The following LGSN variants were observed in gnomAD, a reference collection of about 807,000 sequenced individuals.
LGSN encodes lengsin.
A neutral mutation model predicts 19.5 loss-of-function variants in LGSN; 21 were observed. That is an observed-to-expected ratio of 1.07 (90% CI 0.76 to 1.55). The LOEUF is 1.55. LGSN is among the 40% of genes most tolerant of loss of function. LGSN has a pLI of 0.00. For synonymous variants in LGSN, 257 were observed against 215.6 expected (o/e 1.19, Z -1.68); for missense variants, 673 against 608.5 (o/e 1.11, Z -1.12).
At chr6:63,384,704 A>T in the LGSN span, among the ~76,000 whole-genome samples, 2 of 152,138 alleles carry the variant, frequency 1.3e-5, no homozygotes, top group African/African-American at 4.8e-5. Context: ...TTTAGTAGAG[A>T]CAGGGTTTCA....
chr6:63,518,155 A>C, the LGSN span, among the ~76,000 whole-genome samples: 67 of 120,582 alleles, frequency 5.6e-4, no homozygotes, highest in African/African-American at 2.9e-3. Flanking sequence ...CTCCGTCTCC[A>C]AAAAAAAAAA....
chr6:63,546,992 A>C, the LGSN span, among the ~76,000 whole-genome samples: 35 of 152,126 alleles, frequency 2.3e-4, no homozygotes, highest in Non-Finnish European at 4.3e-4. Context: ...AAAGTTGATA[A>C]AACATTCTTT....
the LGSN span, among the ~76,000 whole-genome samples, chr6:63,542,442 C>CAAAACTA: frequency 6.6e-6 from 1 of 152,076 alleles, no homozygotes; most frequent in Non-Finnish European, 1.5e-5. Flanking sequence ...AAAAAACTCT[C>CAAAACTA]CTTTGAACTC....
the LGSN span, among the ~76,000 whole-genome samples, chr6:63,365,206 G>T: frequency 6.6e-6 from 1 of 151,946 alleles, no homozygotes; most frequent in African/African-American, 2.4e-5. Context: ...TAATAAAGAA[G>T]AAAAGAGAGA....
chr6:63,306,434 A>G (rs1768389513), intron 1 of LGSN, among the ~76,000 whole-genome samples: 1 of 152,230 alleles, frequency 6.6e-6, no homozygotes, highest in Non-Finnish European at 1.5e-5. Flanking sequence ...GTATTTTTAT[A>G]ACTCTTTTCT....
At chr6:63,493,307 G>A in the LGSN span, among the ~76,000 whole-genome samples, 3 of 152,180 alleles carry the variant, frequency 2.0e-5, no homozygotes, top group Non-Finnish European at 4.4e-5. Flanking sequence ...CAATGAATTT[G>A]CAGAGCACAG....
At chr6:63,403,608 T>G in the LGSN span, among the ~76,000 whole-genome samples, 1 of 151,196 alleles carries the variant, frequency 6.6e-6, no homozygotes, top group Non-Finnish European at 1.5e-5. Context: ...CGGGGGAAGA[T>G]CAATACAATT....
At chr6:63,472,050 C>A in the LGSN span, among the ~76,000 whole-genome samples, 1 of 152,168 alleles carries the variant, frequency 6.6e-6, no homozygotes, top group African/African-American at 2.4e-5. Flanking sequence ...TTATTTCTTG[C>A]CTCTGCAGCT....
the LGSN span, among the ~76,000 whole-genome samples, chr6:63,479,912 A>G: frequency 6.6e-6 from 1 of 152,214 alleles, no homozygotes; most frequent in South Asian, 2.1e-4. Context: ...ACTATTTGCC[A>G]GGTACCTCTC....
At chr6:63,537,413 C>A in the LGSN span, among the ~76,000 whole-genome samples, 7 of 152,176 alleles carry the variant, frequency 4.6e-5, no homozygotes, top group Non-Finnish European at 1.0e-4. Flanking sequence ...GAGATTTCAA[C>A]ACCAATGCCC....
At chr6:63,464,670 C>T in the LGSN span, among the ~76,000 whole-genome samples, 9 of 151,450 alleles carry the variant, frequency 5.9e-5, no homozygotes, top group Non-Finnish European at 1.0e-4. Context: ...GGTATGCACA[C>T]GATCATCACT....
At position 63,280,831 on chromosome 6, in the gene LGSN, C is replaced by T. The variant is rs952093578; in HGVS notation, c.720G>A (p.Met240Ile). 14 of 1,613,890 alleles carry T rather than the reference C, an allele frequency of 8.7e-6. No individual in the cohort carries two copies. The highest frequency in any genetic ancestry group is 1.1e-5 in the Non-Finnish European group (13 of 1,179,990). The change falls in exon 4 of 4, where the codon ATG (methionine) becomes ATA (isoleucine). Residue 240 changes from methionine (M) to isoleucine (I), a missense_variant. By Grantham distance (10) the Met-to-Ile change is conservative. Coordinates refer to ENST00000370657, the MANE Select transcript of LGSN (RefSeq NM_016571.3). Reference sequence around the variant, plus strand: ...GATACAAGCCATCAACAAGTTCCTGCATGAAGGGCTGATCATGGTTATTTA... The same window carrying T: ...GATACAAGCCATCAACAAGTTCCTGTATGAAGGGCTGATCATGGTTATTTA... ...TFLNNHDQPF[M>I]QELVDGLYHT...
the LGSN span, chr6:63,548,971 G>A: frequency 2.7e-6 from 2 of 750,458 alleles, no homozygotes; most frequent in East Asian, 2.5e-5. Context: ...ATGCAGTAAG[G>A]GACCCGCATT....
the LGSN span, among the ~76,000 whole-genome samples, chr6:63,330,274 C>T: frequency 1.3e-5 from 2 of 152,142 alleles, no homozygotes; most frequent in Non-Finnish European, 2.9e-5. Context: ...ATTTTCTGTC[C>T]TCTCTGAACC....
At chr6:63,538,053 C>A in the LGSN span, among the ~76,000 whole-genome samples, 544 of 152,326 alleles carry the variant, frequency 3.6e-3, 2 homozygotes, top group African/African-American at 0.012. Flanking sequence ...TAAATTATCT[C>A]TGAAATTATT....
At chr6:63,340,838 T>TTG in the LGSN span, among the ~76,000 whole-genome samples, 3,664 of 146,740 alleles carry the variant, frequency 0.025, 69 homozygotes, top group African/African-American at 0.063. Flanking sequence ...TTTTTATGGT[T>TTG]TGTGTGTGTG....
the LGSN span, among the ~76,000 whole-genome samples, chr6:63,340,223 G>A: frequency 5.3e-5 from 8 of 152,040 alleles, no homozygotes; most frequent in African/African-American, 1.9e-4. Flanking sequence ...TTGATAGTTT[G>A]ACTATAATGT....
the LGSN span, among the ~76,000 whole-genome samples, chr6:63,494,710 C>A: frequency 0.089 from 13,584 of 152,246 alleles, 656 homozygotes; most frequent in East Asian, 0.16. Context: ...AATCCTCCCC[C>A]ATGAACCCAG....
At chr6:63,353,588 C>CAAAAAAAAAAAAAAA in the LGSN span, among the ~76,000 whole-genome samples, 1 of 74,166 alleles carries the variant, frequency 1.3e-5, no homozygotes, top group African/African-American at 4.3e-5. Flanking sequence ...CAGTTTGTAG[C>CAAAAAAAAAAAAAAA]AAAAAAAAAA....
Sources: allele counts gnomAD v4.1 joint callset (sites outside exome capture counted in the v4.1 genomes callset), GRCh38; gene constraint gnomAD v4.1.1; transcripts MANE v1.5; gene names NCBI Gene and HGNC (gene_info 2026-07-23, HGNC 2026-07-21).